Variants in WDR41 observed in about 807,000 individuals in gnomAD.
The protein encoded by WDR41 is WD repeat domain 41.
In WDR41, 63 loss-of-function variants were observed where a neutral mutation model predicts 69.3. The ratio of observed to expected loss-of-function variants is 0.91; its 90% CI spans 0.74 to 1.12. The LOEUF (loss-of-function observed/expected upper bound fraction) is 1.12. WDR41 is among the 50% of genes most tolerant of loss of function. The pLI is 0.00. For missense variants in WDR41, 543 were observed against 534.5 expected (o/e 1.02, Z -0.16); for synonymous variants, 185 against 192.1 (o/e 0.96, Z 0.31).
intron 1 of WDR41, among the ~76,000 whole-genome samples, chr5:77,506,276 C>T (rs1802105997): frequency 6.6e-6 from 1 of 152,128 alleles, no homozygotes; most frequent in Admixed American, 6.5e-5. Context: ...AGCCAAAAGA[C>T]ACATGAAAAA....
At chr5:77,523,179 T>G (rs1802395997) in intron 1 of WDR41, among the ~76,000 whole-genome samples, 1 of 151,876 alleles carries the variant, frequency 6.6e-6, no homozygotes, top group Non-Finnish European at 1.5e-5. Context: ...CTTGGCGTGA[T>G]GGTGCACGCC....
intron 1 of WDR41, among the ~76,000 whole-genome samples, chr5:77,561,659 T>A (rs981675040): frequency 6.6e-6 from 1 of 152,166 alleles, no homozygotes; most frequent in African/African-American, 2.4e-5. Context: ...TTAATATAGA[T>A]GCTAATTATA....
At chr5:77,561,219 T>C (rs191412242) in intron 1 of WDR41, among the ~76,000 whole-genome samples, 30 of 152,254 alleles carry the variant, frequency 2.0e-4, no homozygotes, top group Non-Finnish European at 4.4e-4. Context: ...CCCATATCAG[T>C]GTGATATAAT....
intron 2 of WDR41, among the ~76,000 whole-genome samples, chr5:77,465,174 G>T (rs549450074): frequency 6.6e-6 from 1 of 152,066 alleles, no homozygotes; most frequent in Non-Finnish European, 1.5e-5. Flanking sequence ...AAGTGATTAC[G>T]ATGTTAAATA....
rs535701984 is a variant in WDR41, at chr5:77,456,209, A to G, written c.412-2281T>C. Among the ~76,000 whole-genome samples the G allele has an allele frequency of 9.2e-5, 14 of 152,280 alleles. No individual in the cohort carries two copies. In the East Asian group the frequency reaches 1.5e-3, roughly 17 times the overall value. On this transcript the variant is annotated intron_variant, in intron 5 of 12. Coordinates refer to ENST00000296679, the MANE Select transcript of WDR41 (RefSeq NM_018268.4). ...CTTTTAATAGTGATGGGGTATTGCT[A>G]TGTTGGCCAGGTTAGTCGTGAACTC... is the stretch of plus-strand genomic sequence containing the variant.
Position 77,432,823 on chromosome 5 carries a change from T to TAACTA in WDR41, c.*307_*311dup, listed in dbSNP as rs1798777343. ...AAAACTTCTAATAAATGCCATAACTTAACTATTACCTCTATTTGTACCTTT... is the reference window on the plus strand; with the variant it reads ...AAAACTTCTAATAAATGCCATAACTTAACTAAACTATTACCTCTATTTGTACCTTT... On this transcript the variant is annotated 3_prime_UTR_variant, in exon 13 of 13. Coordinates refer to ENST00000296679, the MANE Select transcript of WDR41 (RefSeq NM_018268.4). 4.9e-6 allele frequency: 1 copy of TAACTA among 202,526 alleles called. No homozygotes were observed. The highest frequency in any genetic ancestry group is 5.9e-5 in the Admixed American group (1 of 16,876). 12.5% of individuals were successfully genotyped at this position (202,526 alleles called of 1,614,324 possible). A position where few individuals can be genotyped will look rare whatever the true frequency, so the allele number is the denominator to read the frequency against.
chr5:77,449,708 T>C (rs1799544501), intron 8 of WDR41, 52 bp downstream of exon 8: 1 of 1,223,756 alleles, frequency 8.2e-7, no homozygotes, highest in Non-Finnish European at 1.2e-6. Context: ...TCAGAGCAGG[T>C]TGTGTTAACA....
intron 1 of WDR41, among the ~76,000 whole-genome samples, chr5:77,543,482 T>G (rs1261972610): frequency 1.3e-5 from 2 of 151,940 alleles, no homozygotes; most frequent in South Asian, 4.1e-4. Flanking sequence ...CAGGAAACAA[T>G]GGACACACTT....
intron 1 of WDR41, among the ~76,000 whole-genome samples, chr5:77,580,750 T>C (rs1013679479): frequency 1.3e-5 from 2 of 151,932 alleles, no homozygotes; most frequent in East Asian, 1.9e-4. Flanking sequence ...GGTCAGGAGA[T>C]CAAGACCATC....
At chr5:77,498,333 AT>A (rs60543411) in intron 1 of WDR41, among the ~76,000 whole-genome samples, 1 of 152,070 alleles carries the variant, frequency 6.6e-6, no homozygotes, top group Non-Finnish European at 1.5e-5. Flanking sequence ...TGGATAACTG[AT>A]TTTTTTACAG....
intron 1 of WDR41, among the ~76,000 whole-genome samples, chr5:77,575,877 A>C (rs562754062): frequency 2.7e-5 from 4 of 148,176 alleles, no homozygotes; most frequent in African/African-American, 1.0e-4. Flanking sequence ...GTTGAACAAA[A>C]AGAGCCTAAA....
intron 1 of WDR41, among the ~76,000 whole-genome samples, chr5:77,539,138 C>G (rs539031229): frequency 6.8e-4 from 104 of 152,120 alleles, no homozygotes; most frequent in African/African-American, 1.6e-3. Flanking sequence ...ATGAGGGGCT[C>G]CACCCTCATG....
intron 1 of WDR41, among the ~76,000 whole-genome samples, chr5:77,575,714 G>A (rs115841915): frequency 0.012 from 1,883 of 152,096 alleles, 26 homozygotes; most frequent in African/African-American, 0.035. Flanking sequence ...TTTTCTGTGT[G>A]TCATGATGTA....
intron 1 of WDR41, among the ~76,000 whole-genome samples, chr5:77,599,379 T>TA (rs772280220): frequency 2.0e-5 from 3 of 152,098 alleles, no homozygotes; most frequent in East Asian, 1.9e-4. Flanking sequence ...TTTGTATTTT[T>TA]AGTAGAGACG....
At chr5:77,491,932 G>A (rs1801808758) in intron 1 of WDR41, 1 of 524,054 alleles carries the variant, frequency 1.9e-6, no homozygotes, top group Non-Finnish European at 3.4e-6. Context: ...AGCTAGCCGT[G>A]GGACGGGGCC....
At chr5:77,579,127 A>G (rs1241740204) in intron 1 of WDR41, among the ~76,000 whole-genome samples, 24 of 152,158 alleles carry the variant, frequency 1.6e-4, no homozygotes, top group Non-Finnish European at 1.5e-5. Context: ...GGAATGAAGA[A>G]AAATGAGCAG....
At chr5:77,578,117 T>C (rs1467671025) in intron 1 of WDR41, among the ~76,000 whole-genome samples, 1 of 152,208 alleles carries the variant, frequency 6.6e-6, no homozygotes, top group Non-Finnish European at 1.5e-5. Context: ...AAGTACAGTT[T>C]CTACTAAATG....
chr5:77,579,188 G>A (rs1743890366), intron 1 of WDR41, among the ~76,000 whole-genome samples: 2 of 152,038 alleles, frequency 1.3e-5, no homozygotes. Context: ...ATGTGTAATG[G>A]GAGTAGCAGA....
intron 1 of WDR41, among the ~76,000 whole-genome samples, chr5:77,579,268 A>T (rs1743891573): frequency 6.6e-6 from 1 of 152,188 alleles, no homozygotes; most frequent in African/African-American, 2.4e-5. Context: ...TCTCAAATTT[A>T]TTGAAAAACA....
Sources: allele counts gnomAD v4.1 joint callset (sites outside exome capture counted in the v4.1 genomes callset), GRCh38; gene constraint gnomAD v4.1.1; transcripts MANE v1.5; gene names NCBI Gene and HGNC (gene_info 2026-07-23, HGNC 2026-07-21).